The following NPAS3 variants were observed in gnomAD, a reference collection of about 807,000 sequenced individuals.
The protein encoded by NPAS3 is neuronal PAS domain protein 3, also known as neuronal PAS domain-containing protein 3.
NPAS3 carries 14 observed loss-of-function variants against 73.1 expected under a neutral mutation model. The observed-to-expected ratio is 0.19, with a 90% CI of 0.13 to 0.30. The LOEUF (loss-of-function observed/expected upper bound fraction) is 0.30. Ranked by LOEUF, NPAS3 falls within the 10% of genes least tolerant of loss-of-function variation. NPAS3 has a pLI of 1.00. For missense variants in NPAS3, 1,096 were observed against 1,250.0 expected (o/e 0.88, Z 1.86); for synonymous variants, 620 against 541.5 (o/e 1.14, Z -2.01).
rs564623644 is a variant in NPAS3, at chr14:33,053,131, G to A, written c.51-2774G>A. 2.0e-4 allele frequency among the ~76,000 whole-genome samples: 31 copies of A among 152,204 alleles called. No homozygotes were observed. In the South Asian group the frequency reaches 6.4e-3, roughly 32 times the overall value. ...TACATTTTAGCCAACTGTAGGACTT[G>A]CCCGCTAATCTTTCTCACATCATTC... is the stretch of plus-strand genomic sequence containing the variant. On this transcript the variant is annotated intron_variant, in intron 1 of 11. Transcript: ENST00000356141.
At chr14:32,987,164 C>T (rs925815809) in intron 1 of NPAS3, among the ~76,000 whole-genome samples, 6 of 151,254 alleles carry the variant, frequency 4.0e-5, no homozygotes, top group Admixed American at 1.3e-4. Context: ...TTATAAAAGT[C>T]GGAAGGCTTT....
rs368557272 is a variant in NPAS3 at position 33,202,482 on chromosome 14, A to C, written c.141-12700A>C. Among the ~76,000 whole-genome samples the C allele has an allele frequency of 6.6e-5, 10 of 152,288 alleles. No individual in the cohort carries two copies. The East Asian group carries it at 1.5e-3, about 24-fold the overall frequency. On this transcript the variant is annotated intron_variant, in intron 2 of 11. Transcript: ENST00000356141. ...ACTTGGTTAAAATAACGAATTTGTA[A>C]TTCCTCAAAGGCAGATTTTTATGAG... is the stretch of plus-strand genomic sequence containing the variant.
chr14:33,745,100 T>A (rs2061755241), intron 7 of NPAS3, among the ~76,000 whole-genome samples: 1 of 151,884 alleles, frequency 6.6e-6, no homozygotes, highest in Non-Finnish European at 1.5e-5. Flanking sequence ...ATAAAAATAC[T>A]TAGCCAGGCA....
chr14:33,581,172 G>A (rs2056649235), intron 5 of NPAS3, among the ~76,000 whole-genome samples: 2 of 152,170 alleles, frequency 1.3e-5, no homozygotes, highest in South Asian at 2.1e-4. Context: ...TAATGGAAAT[G>A]CATGTCAGAA....
chr14:32,941,297 C>T (rs923699055), intron 1 of NPAS3, among the ~76,000 whole-genome samples: 2 of 33,894 alleles, frequency 5.9e-5, no homozygotes, highest in Non-Finnish European at 1.1e-4. Context: ...CCCTCCCTCC[C>T]TCCCTCCCTC....
At chr14:33,263,828 G>A (rs1366173890) in intron 3 of NPAS3, among the ~76,000 whole-genome samples, 1 of 151,974 alleles carries the variant, frequency 6.6e-6, no homozygotes, top group Non-Finnish European at 1.5e-5. Flanking sequence ...CCTTGAAGAG[G>A]TCCTTCACAT....
At chr14:33,621,482 G>C (rs1255748453) in intron 5 of NPAS3, among the ~76,000 whole-genome samples, 3 of 151,914 alleles carry the variant, frequency 2.0e-5, no homozygotes, top group Non-Finnish European at 4.4e-5. Flanking sequence ...TATAACAAGA[G>C]GCAAAACATA....
intron 1 of NPAS3, among the ~76,000 whole-genome samples, chr14:32,955,912 G>A (rs2036653157): frequency 6.6e-6 from 1 of 151,966 alleles, no homozygotes; most frequent in Non-Finnish European, 1.5e-5. Context: ...TGTATTTTGG[G>A]TTTCAAAATT....
intron 2 of NPAS3, among the ~76,000 whole-genome samples, chr14:33,067,256 A>G (rs1309851233): frequency 1.3e-5 from 2 of 152,204 alleles, no homozygotes; most frequent in African/African-American, 4.8e-5. Context: ...CTGCAAAAGA[A>G]GAAGACCCTA....
At chr14:33,179,542 T>G (rs1272720333) in intron 2 of NPAS3, among the ~76,000 whole-genome samples, 1 of 152,154 alleles carries the variant, frequency 6.6e-6, no homozygotes, top group East Asian at 1.9e-4. Context: ...ATATGGAAGC[T>G]TAGAGCTAGT....
intron 2 of NPAS3, among the ~76,000 whole-genome samples, chr14:33,179,517 A>T (rs1223975494): frequency 6.6e-6 from 1 of 152,174 alleles, no homozygotes; most frequent in Non-Finnish European, 1.5e-5. Context: ...TATTATCCTC[A>T]TTTTACAAAT....
intron 2 of NPAS3, among the ~76,000 whole-genome samples, chr14:33,125,921 T>G (rs1393760972): frequency 6.6e-6 from 1 of 152,176 alleles, no homozygotes; most frequent in East Asian, 1.9e-4. Context: ...TAATACAGAT[T>G]ATTTCCAATT....
chr14:33,117,153 AG>A (rs2043093825), intron 2 of NPAS3, among the ~76,000 whole-genome samples: 1 of 151,750 alleles, frequency 6.6e-6, no homozygotes, highest in Non-Finnish European at 1.5e-5. Flanking sequence ...TCATCCAATC[AG>A]GGTATTTAGC....
At chr14:33,229,954 G>A (rs1594455732) in intron 3 of NPAS3, among the ~76,000 whole-genome samples, 1 of 152,126 alleles carries the variant, frequency 6.6e-6, no homozygotes, top group South Asian at 2.1e-4. Flanking sequence ...TCATTCTGTG[G>A]AACGAAAACA....
chr14:33,453,817 C>G (rs1457427217), intron 4 of NPAS3, among the ~76,000 whole-genome samples: 3 of 152,104 alleles, frequency 2.0e-5, no homozygotes, highest in African/African-American at 7.2e-5. Flanking sequence ...AGCTTTGGAA[C>G]AATTTAATCC....
intron 3 of NPAS3, among the ~76,000 whole-genome samples, chr14:33,358,443 G>T (rs1015674364): frequency 2.0e-5 from 3 of 152,118 alleles, no homozygotes; most frequent in African/African-American, 7.2e-5. Context: ...ACATGCATCT[G>T]TAGCTACGTT....
chr14:32,948,830 C>G (rs190286431), intron 1 of NPAS3, among the ~76,000 whole-genome samples: 6 of 152,130 alleles, frequency 3.9e-5, no homozygotes, highest in Non-Finnish European at 8.8e-5. Context: ...TATTTGAAGC[C>G]ATTTTTCCAG....
intron 3 of NPAS3, among the ~76,000 whole-genome samples, chr14:33,280,802 C>T (rs896336672): frequency 2.6e-5 from 4 of 152,158 alleles, no homozygotes; most frequent in South Asian, 2.1e-4. Context: ...CTCTTCTTTA[C>T]GTGGGTGGTT....
rs114346503 is a variant in NPAS3 at position 33,044,725 on chromosome 14, C to T, written c.51-11180C>T. 5.4e-3 allele frequency among the ~76,000 whole-genome samples: 805 copies of T among 149,472 alleles called. 9 individuals carry two copies. Among genetic ancestry groups the T allele is most frequent in the African/African-American group, 0.018 (742 of 40,538 alleles). Reference sequence around the variant, plus strand: ...AATGACCTGTGATGAGTGTTGTGATCGAGATGAGAACAGTGGGCTCTGGGA... The same window carrying T: ...AATGACCTGTGATGAGTGTTGTGATTGAGATGAGAACAGTGGGCTCTGGGA... On this transcript the variant is annotated intron_variant, in intron 1 of 11. Coordinates refer to ENST00000356141, the Ensembl canonical transcript of NPAS3.
Sources: allele counts gnomAD v4.1 joint callset (sites outside exome capture counted in the v4.1 genomes callset), GRCh38; gene constraint gnomAD v4.1.1; transcripts MANE v1.5; gene names NCBI Gene and HGNC (gene_info 2026-07-23, HGNC 2026-07-21).